KNTC1: variants seen among roughly 807,000 people sequenced by gnomAD.
KNTC1 encodes the protein kinetochore associated 1.
Under a neutral mutation model 314.4 loss-of-function variants are expected in KNTC1, and 253 were observed. That is an observed-to-expected ratio of 0.80 (90% confidence interval 0.73 to 0.89). The LOEUF (loss-of-function observed/expected upper bound fraction) is 0.89. KNTC1 is among the 40% of genes least tolerant of loss of function. The pLI, the probability that KNTC1 is intolerant of heterozygous loss-of-function variation, is 0.00. For missense variants in KNTC1, 2,475 were observed against 2,572.9 expected, an observed-to-expected ratio of 0.96 and a Z score of 0.82; for synonymous variants, 901 against 901.4, an observed-to-expected ratio of 1.00 and a Z score of 0.01.
intron 27 of KNTC1, among the ~76,000 whole-genome samples, chr12:122,575,164 G>A (rs1964930672): frequency 6.6e-6 from 1 of 152,134 alleles, no homozygotes; most frequent in Non-Finnish European, 1.5e-5. Context: ...GGGAGCCTGA[G>A]GTGGGAGAAT....
chr12:122,599,933 T>G (rs1871613868), intron 44 of KNTC1, among the ~76,000 whole-genome samples: 1 of 152,100 alleles, frequency 6.6e-6, no homozygotes, highest in African/African-American at 2.4e-5. Flanking sequence ...AGGGGAGGAT[T>G]GCTTGAGCCC....
In KNTC1 at chr12:122,601,582, T is replaced by G. The variant is rs1398121818; in HGVS notation, c.4610T>G (p.Ile1537Arg). The G allele has an allele frequency of 6.5e-7, 1 of 1,538,046 alleles. No homozygotes were observed. The highest frequency in any genetic ancestry group is 8.8e-7 in the Non-Finnish European group (1 of 1,142,296). ...ATGATTGAAGTTGTCTTGAAAGTTA[T>G]AGAACGAGCTGATGAAAAGATAACC... Reference protein sequence around the residue: ...YEMIEVVLKVIERADEKITNI... With the variant: ...YEMIEVVLKVRERADEKITNI... Residue 1537 changes from isoleucine to arginine, a missense_variant, in exon 45 of 64, where the codon ATA becomes AGA. Physicochemically the swap from Ile to Arg is moderately conservative, Grantham distance 97. Transcript: ENST00000333479.
chr12:122,539,936 C>T (rs970101676), intron 5 of KNTC1, among the ~76,000 whole-genome samples, 182 bp downstream of exon 5: 7 of 151,780 alleles, frequency 4.6e-5, no homozygotes, highest in Non-Finnish European at 4.4e-5. Context: ...TGTGCCACCA[C>T]GCCCGGCTAA....
intron 21 of KNTC1, 56 bp downstream of exon 21, chr12:122,568,428 T>G: frequency 1.1e-6 from 1 of 950,384 alleles, no homozygotes; most frequent in Non-Finnish European, 1.7e-6. Context: ...GTTAGGTGAT[T>G]GAATCAATGT....
Position 122,588,717 on chromosome 12 carries a change from T to C in KNTC1, c.3900T>C (p.Phe1300=). ...FMNATLSEKL[F]GETTLVKSRH... is the part of the protein sequence containing the mutation. ...TTTTTCTTCTTTTCTAAAAGTTATTTGGAGAGACTACATTAGTTAAATCAA... is the reference window on the plus strand; with the variant it reads ...TTTTTCTTCTTTTCTAAAAGTTATTCGGAGAGACTACATTAGTTAAATCAA... Residue 1300 remains phenylalanine (F), a synonymous_variant, in exon 40 of 64, where the codon TTT becomes TTC. Transcript: ENST00000333479. 1 of 1,511,990 alleles carries C rather than the reference T, an allele frequency of 6.6e-7. No individual in the cohort carries two copies. The highest frequency in any genetic ancestry group is 8.8e-7 in the Non-Finnish European group (1 of 1,131,200). The allele number at this position is 1,511,990 out of a possible 1,614,324, so 93.7% of individuals were successfully genotyped here.
chr12:122,599,005 TAAAAA>T (rs546566725), intron 44 of KNTC1, among the ~76,000 whole-genome samples: 1 of 150,954 alleles, frequency 6.6e-6, no homozygotes, highest in Non-Finnish European at 1.5e-5. Flanking sequence ...TTTTTTAAAT[TAAAAA>T]AAAAATTTTT....
intron 38 of KNTC1, 64 bp from the exon 39 acceptor site, chr12:122,587,647 T>G: frequency 7.3e-7 from 1 of 1,360,962 alleles, no homozygotes; most frequent in Non-Finnish European, 1.0e-6. Flanking sequence ...GAAAACAGTT[T>G]TCAATAATAT....
intron 18 of KNTC1, among the ~76,000 whole-genome samples, chr12:122,558,520 T>A (rs566177393): frequency 6.6e-6 from 1 of 151,380 alleles, no homozygotes; most frequent in Non-Finnish European, 1.5e-5. Context: ...CCACTGCACT[T>A]CAGCCTGGCG....
chr12:122,602,385 T>C (rs1157620552), intron 45 of KNTC1, 184 bp from the exon 46 acceptor site: 1 of 475,602 alleles, frequency 2.1e-6, no homozygotes, highest in Non-Finnish European at 3.7e-6. Flanking sequence ...CCTTTAATCA[T>C]TGTATATAAA....
chr12:122,580,710 A>G, intron 33 of KNTC1, 40 bp downstream of exon 33: 2 of 1,346,008 alleles, frequency 1.5e-6, no homozygotes. Context: ...TTACTTGACC[A>G]ATCAGTGCAT....
In KNTC1 at chr12:122,624,842, T is replaced by G. The variant is rs1593704437; in HGVS notation, c.6606+154T>G. The G allele has an allele frequency of 1.2e-5, 8 of 660,726 alleles. No individual in the cohort carries two copies. The East Asian group carries it at 2.5e-4, about 20-fold the overall frequency. 40.9% of individuals were successfully genotyped at this position (660,726 alleles called of 1,614,324 possible). A position where few individuals can be genotyped will look rare whatever the true frequency, so the allele number is the denominator to read the frequency against. On this transcript the variant is annotated intron_variant, in intron 63 of 63. Coordinates refer to ENST00000333479, the MANE Select transcript of KNTC1 (RefSeq NM_014708.6). ...TTTTACTTTTTGTGTTAGAGAGTTC[T>G]AAACTAGAAATCAAGAGACCACAGT... is the stretch of plus-strand genomic sequence containing the variant.
Position 122,574,318 on chromosome 12 carries a change from C to T in KNTC1, c.2320C>T (p.Leu774Phe). 6.2e-7 allele frequency: 1 copy of T among 1,611,604 alleles called. No homozygotes were observed. Among genetic ancestry groups the T allele is most frequent in the Non-Finnish European group, 8.5e-7 (1 of 1,178,300 alleles). The change falls in exon 27 of 64, where the codon CTC becomes TTC. Residue 774 changes from leucine (L) to phenylalanine (F), a missense_variant. Physicochemically the swap from Leu to Phe is conservative, Grantham distance 22. Transcript: ENST00000333479. Reference protein sequence around the residue: ...LNRCSSKSTSLFETAWEAKAM... With the variant: ...LNRCSSKSTSFFETAWEAKAM... ...TAGATGCAGCTCAAAGTCCACATCACTCTTTGAAACAGCATGGGAAGCAAA... is the reference window on the plus strand; with the variant it reads ...TAGATGCAGCTCAAAGTCCACATCATTCTTTGAAACAGCATGGGAAGCAAA...
intron 12 of KNTC1, among the ~76,000 whole-genome samples, chr12:122,548,696 G>A (rs911674909): frequency 6.6e-6 from 1 of 152,024 alleles, no homozygotes; most frequent in Non-Finnish European, 1.5e-5. Context: ...AGCTGGGTGC[G>A]TTGGCTCACA....
chr12:122,597,932 A>G lies in KNTC1; in HGVS notation c.4557A>G (p.Leu1519=), dbSNP rs201706835. 3 of 1,613,158 alleles carry G rather than the reference A, an allele frequency of 1.9e-6. No individual in the cohort carries two copies. Among genetic ancestry groups the G allele is most frequent in the South Asian group, 1.1e-5 (1 of 91,082 alleles). ...TGGTCATCAGTCTTAGTGGAATACT[A>G]CATAAGGTAGACACACAGTGAAATG... is the stretch of plus-strand genomic sequence containing the variant. ...KDLVISLSGI[L]HKLDPYDYEM... Residue 1519 remains leucine, a synonymous_variant, in exon 44 of 64, where the codon CTA becomes CTG. Coordinates refer to ENST00000333479, the MANE Select transcript of KNTC1 (RefSeq NM_014708.6).
rs149245416 is a variant in KNTC1, at chr12:122,602,557, A to G, written c.4654-12A>G. 2.3e-5 allele frequency: 36 copies of G among 1,569,570 alleles called. No individual in the cohort carries two copies. Among genetic ancestry groups the G allele is most frequent in the African/African-American group, 6.8e-5 (5 of 73,456 alleles). On this transcript the variant is annotated splice_polypyrimidine_tract_variant and intron_variant, in intron 45 of 63. Transcript: ENST00000333479. ...TACTCTTACTGGACAAAAGTTTTTT[A>G]TTTTAATATAGGCATTGAGTATTCT...
At chr12:122,544,328 T>A in intron 8 of KNTC1, 59 bp downstream of exon 8, 1 of 855,220 alleles carries the variant, frequency 1.2e-6, no homozygotes, top group Non-Finnish European at 1.9e-6. Context: ...CAGAAAAATG[T>A]TTTTGTTTTG....
At chr12:122,538,523 T>A in intron 4 of KNTC1, 69 bp downstream of exon 4, 1 of 848,440 alleles carries the variant, frequency 1.2e-6, no homozygotes, top group Non-Finnish European at 1.8e-6. Flanking sequence ...ACTAAAACTC[T>A]AGCAAACTAT....
chr12:122,560,927 T>A (rs1298713839), intron 18 of KNTC1, among the ~76,000 whole-genome samples: 1 of 152,196 alleles, frequency 6.6e-6, no homozygotes, highest in Non-Finnish European at 1.5e-5. Context: ...ACAGTGGCTG[T>A]AATCCCTCCA....
At chr12:122,539,385 C>A (rs1962104469) in intron 4 of KNTC1, among the ~76,000 whole-genome samples, 1 of 152,136 alleles carries the variant, frequency 6.6e-6, no homozygotes, top group African/African-American at 2.4e-5. Context: ...GTTACCACAG[C>A]TTGGATCCCG....
Sources: allele counts gnomAD v4.1 joint callset (sites outside exome capture counted in the v4.1 genomes callset), GRCh38; gene constraint gnomAD v4.1.1; transcripts MANE v1.5; gene names NCBI Gene and HGNC (gene_info 2026-07-23, HGNC 2026-07-21).